Variants in ASAP1 observed in about 807,000 individuals in gnomAD.
The protein encoded by ASAP1 is ArfGAP with SH3 domain, ankyrin repeat and PH domain 1.
A neutral mutation model predicts 145.2 loss-of-function variants in ASAP1; 43 were observed. The observed-to-expected ratio is 0.30, with a 90% CI of 0.23 to 0.38. The LOEUF (loss-of-function observed/expected upper bound fraction) is 0.38. Among genes scored for constraint, ASAP1 ranks in the 10% least tolerant of loss-of-function variants. The pLI is 1.00. For synonymous variants in ASAP1, 546 were observed against 515.5 expected (o/e 1.06, Z -0.80); for missense variants, 1,018 against 1,355.3 (o/e 0.75, Z 3.91).
At chr8:130,341,864 C>A (rs546297796) in intron 3 of ASAP1, among the ~76,000 whole-genome samples, 1 of 152,244 alleles carries the variant, frequency 6.6e-6, no homozygotes, top group African/African-American at 2.4e-5. Context: ...CAGCAAGAAA[C>A]GAGAGTCAAA....
intron 2 of ASAP1, among the ~76,000 whole-genome samples, chr8:130,359,821 T>C (rs1314777493): frequency 2.0e-5 from 3 of 151,746 alleles, no homozygotes; most frequent in Admixed American, 6.6e-5. Context: ...GACGGTGTTT[T>C]ACCTTGTTAG....
At chr8:130,317,141 G>T (rs1368867564) in intron 3 of ASAP1, among the ~76,000 whole-genome samples, 2 of 149,136 alleles carry the variant, frequency 1.3e-5, no homozygotes, top group Non-Finnish European at 3.0e-5. Context: ...TTTTAGGAAA[G>T]TACCACAAAT....
At chr8:130,188,255 T>C (rs1265775092) in intron 5 of ASAP1, 72 bp from the exon 6 acceptor site, 8 of 1,200,274 alleles carry the variant, frequency 6.7e-6, no homozygotes, top group South Asian at 4.9e-5. Context: ...CCAGCTACTA[T>C]TGACTGAGCA....
intron 13 of ASAP1, among the ~76,000 whole-genome samples, chr8:130,146,022 T>G (rs1239436291): frequency 6.6e-6 from 1 of 150,842 alleles, no homozygotes; most frequent in Non-Finnish European, 1.5e-5. Flanking sequence ...TTGTGTTTTT[T>G]TTTTTTTTTT....
At position 130,352,415 on chromosome 8, in the gene ASAP1, G is replaced by T. The variant is rs761701934; in HGVS notation, c.186+5602C>A. ...AACCCTGACCACAGAAATCCTATGC[G>T]TAAGATTTCACAGAAAATCACTTAA... On this transcript the variant is annotated intron_variant, in intron 3 of 29. Coordinates refer to ENST00000518721, the MANE Select transcript of ASAP1 (RefSeq NM_018482.4). Among the ~76,000 whole-genome samples, 3 of 152,216 alleles carry T rather than the reference G, an allele frequency of 2.0e-5. No homozygotes were observed. The East Asian group carries it at 5.8e-4, about 29-fold the overall frequency.
intron 24 of ASAP1, among the ~76,000 whole-genome samples, chr8:130,096,821 C>A (rs2097518876): frequency 6.6e-6 from 1 of 151,882 alleles, no homozygotes; most frequent in Non-Finnish European, 1.5e-5. Flanking sequence ...TTTAAATAAT[C>A]CATGATCAGA....
At chr8:130,338,985 A>T (rs973130801) in intron 3 of ASAP1, among the ~76,000 whole-genome samples, 3 of 152,248 alleles carry the variant, frequency 2.0e-5, no homozygotes, top group Admixed American at 6.5e-5. Flanking sequence ...GCACCTGGGC[A>T]CTAATGAGCA....
chr8:130,154,295 A>C (rs1213379863), intron 12 of ASAP1, among the ~76,000 whole-genome samples: 4 of 152,218 alleles, frequency 2.6e-5, no homozygotes, highest in Non-Finnish European at 5.9e-5. Context: ...CAAGTGATAG[A>C]CATTTTGAAA....
intron 3 of ASAP1, among the ~76,000 whole-genome samples, chr8:130,263,239 A>T (rs1358339512): frequency 2.0e-5 from 3 of 152,182 alleles, no homozygotes; most frequent in Admixed American, 2.0e-4. Context: ...GAACCAGGGA[A>T]GGTAGCATGA....
intron 1 of ASAP1, among the ~76,000 whole-genome samples, chr8:130,407,566 C>T (rs950896897): frequency 1.3e-5 from 2 of 152,158 alleles, no homozygotes; most frequent in African/African-American, 4.8e-5. Flanking sequence ...TCTCATTTCC[C>T]GCTGCCACCA....
intron 3 of ASAP1, among the ~76,000 whole-genome samples, chr8:130,335,340 A>G (rs2137840843): frequency 6.6e-6 from 1 of 152,222 alleles, no homozygotes; most frequent in Admixed American, 6.5e-5. Flanking sequence ...TCACTTTATG[A>G]CCCCTATTTT....
At chr8:130,144,089 A>G (rs545491968) in intron 13 of ASAP1, among the ~76,000 whole-genome samples, 4 of 152,340 alleles carry the variant, frequency 2.6e-5, no homozygotes, top group African/African-American at 9.6e-5. Context: ...TGGTCATTTC[A>G]AAGTTTTCAT....
In ASAP1 at chr8:130,328,638, G is replaced by T. The variant is rs2137759261; in HGVS notation, c.186+29379C>A. ...TTTTTTTTTTTTTTTAAGAGACAAG[G>T]TCTCCTCTGTCACACAGGTTGGAGT... On this transcript the variant is annotated intron_variant, in intron 3 of 29. Transcript: ENST00000518721. Among the ~76,000 whole-genome samples the T allele has an allele frequency of 3.3e-5, 5 of 149,630 alleles. No individual in the cohort carries two copies. The Middle Eastern group carries it at 0.01, about 310-fold the overall frequency.
At chr8:130,072,788 T>TCTGGTGTGTGTGTGTGTG (rs1564927760) in intron 27 of ASAP1, among the ~76,000 whole-genome samples, 1 of 129,944 alleles carries the variant, frequency 7.7e-6, no homozygotes, top group Non-Finnish European at 1.7e-5. Context: ...GGACTTGCAA[T>TCTGGTGTGTGTGTGTGTG]TGATATGTGT....
intron 27 of ASAP1, among the ~76,000 whole-genome samples, chr8:130,068,459 C>G (rs2097434845): frequency 6.6e-6 from 1 of 152,218 alleles, no homozygotes; most frequent in South Asian, 2.1e-4. Context: ...AGAACTGTTT[C>G]ATTCTGTAGA....
At chr8:130,353,201 A>T (rs1178265388) in intron 3 of ASAP1, among the ~76,000 whole-genome samples, 2 of 152,152 alleles carry the variant, frequency 1.3e-5, no homozygotes, top group Non-Finnish European at 2.9e-5. Context: ...TCCATAATAC[A>T]ATCTGGATAA....
intron 20 of ASAP1, among the ~76,000 whole-genome samples, chr8:130,117,430 T>G (rs939538496): frequency 1.3e-5 from 2 of 152,222 alleles, no homozygotes; most frequent in African/African-American, 4.8e-5. Context: ...CTATATTGTC[T>G]CTGAGGAAGA....
At chr8:130,227,923 G>A (rs1010425518) in intron 4 of ASAP1, among the ~76,000 whole-genome samples, 1 of 152,108 alleles carries the variant, frequency 6.6e-6, no homozygotes, top group Non-Finnish European at 1.5e-5. Flanking sequence ...CTTTCTGGGT[G>A]CACAGTTGGC....
intron 9 of ASAP1, among the ~76,000 whole-genome samples, chr8:130,175,045 A>T (rs565087078): frequency 1.3e-5 from 2 of 152,214 alleles, no homozygotes; most frequent in African/African-American, 4.8e-5. Flanking sequence ...CACCATTTAC[A>T]TTCCTACTGG....
Sources: gnomAD v4.1 joint callset for allele counts (sites outside exome capture counted in the v4.1 genomes callset) on GRCh38, gnomAD v4.1.1 for gene constraint, MANE v1.5 for transcripts, NCBI Gene and HGNC (gene_info 2026-07-23, HGNC 2026-07-21) for gene names.